The following ARID1B variants were observed in gnomAD, a reference collection of about 807,000 sequenced individuals.
ARID1B encodes the protein AT-rich interactive domain-containing protein 1B.
In ARID1B, 30 loss-of-function variants were observed where a neutral mutation model predicts 212.3. That is an observed-to-expected ratio of 0.14 (90% CI 0.11 to 0.19). ARID1B has a LOEUF of 0.19. Ranked by LOEUF, ARID1B falls within the 10% of genes least tolerant of loss-of-function variation. The probability of loss-of-function intolerance (pLI) is 1.00; values close to 1 mark genes in which losing one functional copy is unlikely to be tolerated. For synonymous variants in ARID1B, 1,402 were observed against 1,301.7 expected, an observed-to-expected ratio of 1.08 and a Z score of -1.66; for missense variants, 2,891 against 3,204.0, an observed-to-expected ratio of 0.90 and a Z score of 2.36.
chr6:157,174,136 C>A lies in ARID1B; in HGVS notation c.3345+19C>A. On this transcript the variant is annotated intron_variant, in intron 10 of 19. Transcript: ENST00000636930. Reference sequence around the variant, plus strand: ...GTCAAAGGTACTTCCTTCGCCTCTGCACGCGGTGTGAGGTCTGCCTAGCAA... The same window carrying A: ...GTCAAAGGTACTTCCTTCGCCTCTGAACGCGGTGTGAGGTCTGCCTAGCAA... 6.2e-7 allele frequency: 1 copy of A among 1,605,688 alleles called. No homozygotes were observed. Among genetic ancestry groups the A allele is most frequent in the Non-Finnish European group, 8.5e-7 (1 of 1,172,370 alleles).
intron 6 of ARID1B, among the ~76,000 whole-genome samples, chr6:157,128,035 G>A (rs573337072): frequency 2.0e-5 from 3 of 151,292 alleles, no homozygotes; most frequent in Admixed American, 1.3e-4. Context: ...GTTTATCTCC[G>A]TTAATCCTCA....
chr6:156,917,066 T>C (rs928356122), intron 3 of ARID1B, among the ~76,000 whole-genome samples: 3 of 152,154 alleles, frequency 2.0e-5, no homozygotes, highest in Non-Finnish European at 4.4e-5. Flanking sequence ...TGTGCCCTCA[T>C]AGCCAGAAAA....
chr6:156,799,740 A>T (rs1351669007), intron 1 of ARID1B, among the ~76,000 whole-genome samples: 1 of 152,192 alleles, frequency 6.6e-6, no homozygotes, highest in Non-Finnish European at 1.5e-5. Flanking sequence ...AGACTCCCAA[A>T]GTGTGAGGAT....
chr6:157,140,251 C>A (rs1029237402), intron 7 of ARID1B, among the ~76,000 whole-genome samples: 99 of 152,188 alleles, frequency 6.5e-4, no homozygotes, highest in African/African-American at 2.2e-3. Context: ...GGGTGGATTG[C>A]TTAAGTCTAG....
At chr6:157,127,095 A>T (rs966656050) in intron 6 of ARID1B, among the ~76,000 whole-genome samples, 1 of 152,270 alleles carries the variant, frequency 6.6e-6, no homozygotes, top group Non-Finnish European at 1.5e-5. Context: ...CAAGAAAAGA[A>T]CTACCTTCGA....
chr6:157,048,934 G>A (rs1184625444), intron 4 of ARID1B, among the ~76,000 whole-genome samples: 5 of 152,160 alleles, frequency 3.3e-5, no homozygotes, highest in Non-Finnish European at 7.3e-5. Flanking sequence ...AGCACTTTGG[G>A]AGACTGAGGC....
chr6:156,795,211 G>A (rs1014519601), intron 1 of ARID1B, among the ~76,000 whole-genome samples: 1 of 152,108 alleles, frequency 6.6e-6, no homozygotes, highest in African/African-American at 2.4e-5. Context: ...GGCAGCACAC[G>A]GTGGCTGTTA....
intron 1 of ARID1B, among the ~76,000 whole-genome samples, chr6:156,792,017 T>TA (rs975999759): frequency 6.6e-5 from 10 of 151,906 alleles, no homozygotes; most frequent in African/African-American, 1.7e-4. Flanking sequence ...CAGAAATCTT[T>TA]AAAAAAAAGG....
chr6:156,962,154 C>A (rs1794422624), intron 4 of ARID1B, among the ~76,000 whole-genome samples: 1 of 152,044 alleles, frequency 6.6e-6, no homozygotes, highest in Non-Finnish European at 1.5e-5. Context: ...AAAAAATTAG[C>A]CGGGCGTGGT....
chr6:157,012,399 C>T (rs1181321774), intron 4 of ARID1B, among the ~76,000 whole-genome samples: 1 of 152,200 alleles, frequency 6.6e-6, no homozygotes, highest in Non-Finnish European at 1.5e-5. Flanking sequence ...TATGAGGGCT[C>T]CATTGTCAGC....
intron 5 of ARID1B, among the ~76,000 whole-genome samples, chr6:157,085,904 C>T (rs928493014): frequency 2.0e-5 from 3 of 152,192 alleles, no homozygotes; most frequent in Non-Finnish European, 2.9e-5. Context: ...AGCTCTATAC[C>T]TCTTCCTCAC....
At chr6:157,042,907 C>T (rs566320172) in intron 4 of ARID1B, among the ~76,000 whole-genome samples, 159 of 152,130 alleles carry the variant, frequency 1.0e-3, no homozygotes, top group African/African-American at 3.6e-3. Flanking sequence ...GTGATCTGCC[C>T]GCCTCAGCCT....
chr6:157,039,743 C>CTCTT, intron 4 of ARID1B, among the ~76,000 whole-genome samples: 1 of 92,022 alleles, frequency 1.1e-5, no homozygotes, highest in Non-Finnish European at 2.0e-5. Context: ...CTCCCTCCCT[C>CTCTT]CCTTCCTTCC....
rs561365916 is a variant in ARID1B at position 157,060,062 on chromosome 6, T to G, written c.2248-24600T>G. Among the ~76,000 whole-genome samples the G allele has an allele frequency of 4.6e-5, 7 of 152,308 alleles. No individual in the cohort carries two copies. The South Asian group carries it at 1.5e-3, about 32-fold the overall frequency. On this transcript the variant is annotated intron_variant, in intron 4 of 19. Transcript: ENST00000636930. Reference sequence around the variant, plus strand: ...GATTCCTGACTTAATTGCAATTACCTGGACACCGAGGCAGGGTGAACTTTT... The same window carrying G: ...GATTCCTGACTTAATTGCAATTACCGGGACACCGAGGCAGGGTGAACTTTT...
intron 4 of ARID1B, among the ~76,000 whole-genome samples, chr6:156,969,373 TC>T (rs1179527622): frequency 2.6e-5 from 4 of 152,166 alleles, no homozygotes; most frequent in Non-Finnish European, 4.4e-5. Context: ...GGTTCCCTGT[TC>T]AGCCGTGTTG....
At chr6:157,060,240 T>C (rs892684172) in intron 4 of ARID1B, among the ~76,000 whole-genome samples, 3 of 152,192 alleles carry the variant, frequency 2.0e-5, no homozygotes, top group Admixed American at 6.5e-5. Context: ...GCATAGCGCC[T>C]CTCAGCTCTG....
intron 6 of ARID1B, chr6:157,119,656 G>A (rs1336800915): frequency 1.3e-5 from 2 of 152,542 alleles, no homozygotes; most frequent in Non-Finnish European, 2.9e-5. Context: ...GTGAACAAAT[G>A]AAGGAAGCAT....
chr6:157,117,815 G>C (rs1295201089), intron 6 of ARID1B, among the ~76,000 whole-genome samples: 1 of 152,216 alleles, frequency 6.6e-6, no homozygotes, highest in East Asian at 1.9e-4. Context: ...CTCACTGTTA[G>C]TATTTTGAGC....
At chr6:157,090,926 C>G (rs1003920897) in intron 5 of ARID1B, among the ~76,000 whole-genome samples, 11 of 152,016 alleles carry the variant, frequency 7.2e-5, no homozygotes, top group South Asian at 2.1e-4. Context: ...CCAGTGATCA[C>G]CTCTGCACGT....
Sources: gnomAD v4.1 joint callset for allele counts (sites outside exome capture counted in the v4.1 genomes callset) on GRCh38, gnomAD v4.1.1 for gene constraint, MANE v1.5 for transcripts, NCBI Gene and HGNC (gene_info 2026-07-23, HGNC 2026-07-21) for gene names.